FAM117B: variants seen among roughly 807,000 people sequenced by gnomAD.
The protein encoded by FAM117B is protein FAM117B.
A neutral mutation model predicts 52.8 loss-of-function variants in FAM117B; 22 were observed. That is an observed-to-expected ratio of 0.42 (90% CI 0.30 to 0.59). The LOEUF (loss-of-function observed/expected upper bound fraction) is 0.59. FAM117B is among the 20% of genes least tolerant of loss of function. The probability of loss-of-function intolerance (pLI) is 0.22; values close to 1 mark genes in which losing one functional copy is unlikely to be tolerated. For synonymous variants in FAM117B, 309 were observed against 324.1 expected (o/e 0.95, Z 0.50); for missense variants, 678 against 802.6 (o/e 0.84, Z 1.88).
chr2:202,676,176 A>G (rs1425555465), intron 1 of FAM117B, among the ~76,000 whole-genome samples: 1 of 152,034 alleles, frequency 6.6e-6, no homozygotes, highest in Non-Finnish European at 1.5e-5. Context: ...GTCTGTGGCC[A>G]ACAACAGTCA....
chr2:202,689,676 G>C (rs183737071), intron 1 of FAM117B, among the ~76,000 whole-genome samples: 5 of 152,244 alleles, frequency 3.3e-5, no homozygotes, highest in African/African-American at 7.2e-5. Context: ...CCAGCACTTT[G>C]AGAGCCTGAG....
rs897075309 is a variant in FAM117B, at chr2:202,766,037, TG to T, written c.*274del. On this transcript the variant is annotated 3_prime_UTR_variant, in exon 8 of 8. Coordinates refer to ENST00000392238, the MANE Select transcript of FAM117B (RefSeq NM_173511.4). ...CTTTGGAGAGACAATATCACGTTTT[TG>T]TTTTCGAATTAGACTTCTTTAAAAC... The T allele has an allele frequency of 3.0e-4, 127 of 417,780 alleles. No individual in the cohort carries two copies. Among genetic ancestry groups the T allele is most frequent in the African/African-American group, 2.1e-3 (103 of 49,134 alleles). 25.9% of individuals were successfully genotyped at this position (417,780 alleles called of 1,614,324 possible).
intron 1 of FAM117B, among the ~76,000 whole-genome samples, chr2:202,648,522 C>CCA (rs1553518396): frequency 2.4e-5 from 3 of 127,322 alleles, no homozygotes; most frequent in African/African-American, 8.5e-5. Flanking sequence ...GTCCCCACCC[C>CCA]CCCCCCAAAA....
In FAM117B at chr2:202,765,598, G is replaced by A. The variant is rs770600491; in HGVS notation, c.1604G>A (p.Ser535Asn). The change falls in exon 8 of 8, where the codon AGC (serine) becomes AAC (asparagine). Residue 535 changes from serine to asparagine, a missense_variant. By Grantham distance (46) the Ser-to-Asn change is conservative. Around this residue, in one of 3 missense-constraint regions of FAM117B, gnomAD observed 68 missense variants for 80.6 expected, o/e 0.84. Transcript: ENST00000392238. Reference sequence around the variant, plus strand: ...CTTACACTCAAGGGCTCTGGCCACAGCCTGACAGTCACCACTGGCATGACA... The same window carrying A: ...CTTACACTCAAGGGCTCTGGCCACAACCTGACAGTCACCACTGGCATGACA... ...PDLTLKGSGH[S>N]LTVTTGMTTT... is the part of the protein sequence containing the mutation. The A allele has an allele frequency of 1.5e-5, 25 of 1,614,008 alleles. No homozygotes were observed. The highest frequency in any genetic ancestry group is 1.8e-5 in the Non-Finnish European group (21 of 1,180,038).
intron 1 of FAM117B, among the ~76,000 whole-genome samples, chr2:202,643,706 T>C (rs540452293): frequency 3.8e-4 from 58 of 152,228 alleles, no homozygotes; most frequent in African/African-American, 1.3e-3. Context: ...TACACATTTC[T>C]TTTTCTTTCT....
At chr2:202,714,629 TAAAC>T (rs1284124384) in intron 2 of FAM117B, among the ~76,000 whole-genome samples, 1 of 148,644 alleles carries the variant, frequency 6.7e-6, no homozygotes, top group Non-Finnish European at 1.5e-5. Flanking sequence ...GGTCAGCAGA[TAAAC>T]AAGTGAACAA....
chr2:202,660,652 T>C (rs1400656293), intron 1 of FAM117B, among the ~76,000 whole-genome samples: 3 of 152,210 alleles, frequency 2.0e-5, no homozygotes, highest in Non-Finnish European at 4.4e-5. Flanking sequence ...TCCCAGGAGA[T>C]CTTGTCCTCA....
intron 2 of FAM117B, among the ~76,000 whole-genome samples, chr2:202,713,718 T>G (rs1337599151): frequency 6.6e-6 from 1 of 152,158 alleles, no homozygotes; most frequent in Non-Finnish European, 1.5e-5. Context: ...TTTCCATTAT[T>G]TTTTTTGAGA....
chr2:202,659,738 C>T (rs955138020), intron 1 of FAM117B, among the ~76,000 whole-genome samples: 5 of 151,308 alleles, frequency 3.3e-5, no homozygotes, highest in Admixed American at 3.3e-4. Flanking sequence ...CCTCAGCCTC[C>T]CAAGTAGCTG....
intron 4 of FAM117B, among the ~76,000 whole-genome samples, chr2:202,746,441 A>G (rs956317277): frequency 6.6e-6 from 1 of 152,094 alleles, no homozygotes; most frequent in Non-Finnish European, 1.5e-5. Context: ...ACCAAAACCT[A>G]TGAGATACAG....
At chr2:202,684,327 G>T (rs1246158967) in intron 1 of FAM117B, among the ~76,000 whole-genome samples, 3 of 152,204 alleles carry the variant, frequency 2.0e-5, no homozygotes, top group Non-Finnish European at 2.9e-5. Flanking sequence ...TTTTGTATTG[G>T]CAAATTTGCC....
chr2:202,759,318 G>A lies in FAM117B; in HGVS notation c.1416G>A (p.Glu472=). 1 of 1,613,964 alleles carries A rather than the reference G, an allele frequency of 6.2e-7. No homozygotes were observed. The highest frequency in any genetic ancestry group is 1.6e-4 in the Middle Eastern group (1 of 6,062). Residue 472 remains glutamate (E), a synonymous_variant, in exon 7 of 8, where the codon GAG becomes GAA. Coordinates refer to ENST00000392238, the MANE Select transcript of FAM117B (RefSeq NM_173511.4). The stretch of plus-strand genomic sequence containing the variant: ...ATATGTTCAAAAGGGAACCTCCTGA[G>A]GGCTGTGAAAGGGTCAAAGTCTTTG... The part of the protein sequence containing the change: ...NSYMFKREPP[E]GCERVKVFEE...
At chr2:202,699,426 CAA>C (rs751190825) in intron 2 of FAM117B, among the ~76,000 whole-genome samples, 2 of 17,902 alleles carry the variant, frequency 1.1e-4, no homozygotes, top group African/African-American at 1.8e-4. Flanking sequence ...GACCCCATCT[CAA>C]AAAAAAAAAA....
At chr2:202,741,902 A>G (rs1256190580) in intron 4 of FAM117B, among the ~76,000 whole-genome samples, 1 of 152,170 alleles carries the variant, frequency 6.6e-6, no homozygotes. Flanking sequence ...TATATATACA[A>G]ACAGCAACCA....
At chr2:202,688,865 G>A (rs1690582009) in intron 1 of FAM117B, among the ~76,000 whole-genome samples, 1 of 152,032 alleles carries the variant, frequency 6.6e-6, no homozygotes, top group East Asian at 1.9e-4. Flanking sequence ...AACTTTTCAC[G>A]AACAGATCTT....
intron 4 of FAM117B, among the ~76,000 whole-genome samples, chr2:202,736,576 C>A (rs922320943): frequency 5.9e-5 from 9 of 152,216 alleles, no homozygotes; most frequent in African/African-American, 2.2e-4. Flanking sequence ...GCCTGGGCAA[C>A]CTGGTGAAAC....
intron 1 of FAM117B, among the ~76,000 whole-genome samples, chr2:202,644,358 C>G (rs937445098): frequency 6.6e-6 from 1 of 151,850 alleles, no homozygotes; most frequent in Non-Finnish European, 1.5e-5. Flanking sequence ...CAAATTTATC[C>G]CTAAGAAAGT....
At chr2:202,745,389 G>C (rs1399396185) in intron 4 of FAM117B, among the ~76,000 whole-genome samples, 1 of 152,078 alleles carries the variant, frequency 6.6e-6, no homozygotes, top group African/African-American at 2.4e-5. Flanking sequence ...CCTACATCTG[G>C]AAATGAAAGG....
At chr2:202,732,877 A>G (rs1691378930) in intron 4 of FAM117B, among the ~76,000 whole-genome samples, 1 of 151,072 alleles carries the variant, frequency 6.6e-6, no homozygotes, top group African/African-American at 2.4e-5. Flanking sequence ...TGCTAGTAAA[A>G]AAAAAAAAAA....
Sources: gnomAD v4.1 joint callset for allele counts (sites outside exome capture counted in the v4.1 genomes callset) on GRCh38, gnomAD v4.1.1 for gene constraint, gnomAD v4.1.1 regional missense constraint, MANE v1.5 for transcripts, NCBI Gene and HGNC (gene_info 2026-07-23, HGNC 2026-07-21) for gene names.